KYAT3: variants seen among roughly 807,000 people sequenced by gnomAD.
KYAT3 encodes the protein kynurenine--oxoglutarate transaminase 3.
In KYAT3, 50 loss-of-function variants were observed where a neutral mutation model predicts 59.0. The observed-to-expected ratio is 0.85, with a 90% CI of 0.68 to 1.07. The LOEUF is 1.07. Among genes scored for constraint, KYAT3 ranks in the 50% least tolerant of loss-of-function variants. The pLI, the probability that KYAT3 is intolerant of heterozygous loss-of-function variation, is 0.00. For synonymous variants in KYAT3, 148 were observed against 177.0 expected, an observed-to-expected ratio of 0.84 and a Z score of 1.30; for missense variants, 497 against 533.3, an observed-to-expected ratio of 0.93 and a Z score of 0.67.
At chr1:88,989,958 A>G (rs577457392) in intron 1 of KYAT3, among the ~76,000 whole-genome samples, 77 of 152,306 alleles carry the variant, frequency 5.1e-4, no homozygotes, top group Admixed American at 5.0e-3. Context: ...CCAACACTGC[A>G]GCATTTCTAC....
intron 13 of KYAT3, among the ~76,000 whole-genome samples, chr1:88,939,383 A>C (rs1056704581): frequency 6.6e-6 from 1 of 152,102 alleles, no homozygotes; most frequent in Non-Finnish European, 1.5e-5. Context: ...TTCCCTAGAA[A>C]CTTCCAGCTA....
At chr1:88,948,553 T>C (rs146537777) in intron 11 of KYAT3, among the ~76,000 whole-genome samples, 2 of 152,346 alleles carry the variant, frequency 1.3e-5, no homozygotes, top group Non-Finnish European at 2.9e-5. Context: ...TAAAACTTTC[T>C]AAATCTTTTT....
intron 13 of KYAT3, among the ~76,000 whole-genome samples, chr1:88,941,024 T>C (rs901598440): frequency 6.6e-6 from 1 of 152,222 alleles, no homozygotes; most frequent in African/African-American, 2.4e-5. Flanking sequence ...CTCTTAGTTG[T>C]TTTTAAATAA....
chr1:88,991,812 C>G (rs924094943), intron 1 of KYAT3, among the ~76,000 whole-genome samples: 5 of 152,218 alleles, frequency 3.3e-5, no homozygotes, highest in Non-Finnish European at 7.3e-5. Context: ...GACCTGCAGC[C>G]CCAGTCCCCC....
chr1:88,992,681 A>C (rs539743700), upstream of KYAT3: 1 of 152,708 alleles, frequency 6.5e-6, no homozygotes, highest in East Asian at 1.9e-4. Flanking sequence ...CGGAGCCGGG[A>C]CAGGGATTGA....
At chr1:88,929,265 A>ACAGTGGAGGTTAGTG in the KYAT3 span, among the ~76,000 whole-genome samples, 2 of 152,142 alleles carry the variant, frequency 1.3e-5, no homozygotes, top group African/African-American at 4.8e-5. Context: ...AACCCAACGG[A>ACAGTGGAGGTTAGTG]CAGTGGAGGT....
downstream of KYAT3, among the ~76,000 whole-genome samples, chr1:88,931,391 C>T (rs1674903611): frequency 6.6e-6 from 1 of 152,188 alleles, no homozygotes; most frequent in Non-Finnish European, 1.5e-5. Context: ...CTAAGATCTA[C>T]TGCGGACCCC....
the KYAT3 span, chr1:88,923,753 C>T: frequency 3.5e-6 from 1 of 289,464 alleles, no homozygotes. Flanking sequence ...ATCTGTCTGC[C>T]AGTGCCTGTC....
At chr1:88,970,690 A>G (rs1676524895) in intron 2 of KYAT3, among the ~76,000 whole-genome samples, 1 of 152,202 alleles carries the variant, frequency 6.6e-6, no homozygotes, top group Admixed American at 6.5e-5. Context: ...AGTTCTTTAG[A>G]TTCTAAAATT....
In KYAT3 at chr1:88,972,939, T is replaced by C. The variant is rs541804839; in HGVS notation, c.100-3472A>G. ...GGACCATGCCCCCCTTAGTTTCATATGTTGAAGTCCTAACTCCCAGTTCCT... is the reference window on the plus strand; with the variant it reads ...GGACCATGCCCCCCTTAGTTTCATACGTTGAAGTCCTAACTCCCAGTTCCT... On this transcript the variant is annotated intron_variant, in intron 2 of 13. Coordinates refer to ENST00000260508, the MANE Select transcript of KYAT3 (RefSeq NM_001008661.3). 7.9e-5 allele frequency among the ~76,000 whole-genome samples: 12 copies of C among 152,336 alleles called. 1 individual carries two copies. In the Middle Eastern group the frequency reaches 0.01, roughly 130 times the overall value.
At chr1:88,953,988 G>A (rs1024441449) in intron 9 of KYAT3, among the ~76,000 whole-genome samples, 10 of 149,850 alleles carry the variant, frequency 6.7e-5, no homozygotes, top group Admixed American at 2.0e-4. Flanking sequence ...CTCAACCTCC[G>A]CCTCCCAGGT....
At chr1:88,940,441 C>T (rs913398527) in intron 13 of KYAT3, among the ~76,000 whole-genome samples, 7 of 152,240 alleles carry the variant, frequency 4.6e-5, no homozygotes, top group Non-Finnish European at 7.4e-5. Flanking sequence ...TGCACTATAC[C>T]TATTGTTCTG....
the KYAT3 span, among the ~76,000 whole-genome samples, chr1:88,928,673 T>C: frequency 2.0e-5 from 3 of 152,122 alleles, no homozygotes; most frequent in African/African-American, 7.2e-5. Context: ...CCGGGGCAAG[T>C]GCCAGCCCAT....
chr1:88,992,225 G>C (rs1391866903), intron 1 of KYAT3, among the ~76,000 whole-genome samples: 1 of 152,148 alleles, frequency 6.6e-6, no homozygotes. Context: ...TGATCCGCCC[G>C]CCTCGGCCTC....
rs982645678 is a variant in KYAT3, at chr1:88,943,330, C to T, written c.1215+20G>A. 2.9e-6 allele frequency: 4 copies of T among 1,388,906 alleles called. No homozygotes were observed. Among genetic ancestry groups the T allele is most frequent in the Non-Finnish European group, 4.0e-6 (4 of 990,400 alleles). The allele number at this position is 1,388,906 out of a possible 1,614,324, so 86.0% of individuals were successfully genotyped here. Reference sequence around the variant, plus strand: ...AACTATAAAATATAACAGAATCTTGCAAAGAACAATAAACATTACCTTATG... The same window carrying T: ...AACTATAAAATATAACAGAATCTTGTAAAGAACAATAAACATTACCTTATG... On this transcript the variant is annotated intron_variant, in intron 12 of 13. Transcript: ENST00000260508.
intron 11 of KYAT3, among the ~76,000 whole-genome samples, chr1:88,948,548 C>T (rs925527037): frequency 6.6e-6 from 1 of 152,180 alleles, no homozygotes; most frequent in African/African-American, 2.4e-5. Flanking sequence ...CTATTTAAAA[C>T]TTTCTAAATC....
intron 11 of KYAT3, 98 bp downstream of exon 11, chr1:88,948,993 T>C (rs1557683819): frequency 6.2e-6 from 6 of 975,280 alleles, no homozygotes; most frequent in Middle Eastern, 2.2e-4. Context: ...ACAGATAAAA[T>C]GCTGCTGTGG....
chr1:88,925,792 AAGAC>A, the KYAT3 span, among the ~76,000 whole-genome samples: 5,412 of 152,098 alleles, frequency 0.036, 266 homozygotes, highest in African/African-American at 0.11. Context: ...GAAAAAGAAA[AAGAC>A]AGAAATAGTA....
At chr1:88,983,604 C>G (rs1677237176) in intron 2 of KYAT3, 1 of 1,614,042 alleles carries the variant, frequency 6.2e-7, no homozygotes, top group Non-Finnish European at 8.5e-7. Context: ...GCTTTTCCAT[C>G]TAATGACTTT....
Sources: gnomAD v4.1 joint callset for allele counts (sites outside exome capture counted in the v4.1 genomes callset) on GRCh38, gnomAD v4.1.1 for gene constraint, MANE v1.5 for transcripts, NCBI Gene and HGNC (gene_info 2026-07-23, HGNC 2026-07-21) for gene names.